DGKG: variants seen among roughly 807,000 people sequenced by gnomAD.
DGKG encodes DAG kinase gamma.
A neutral mutation model predicts 105.3 loss-of-function variants in DGKG; 78 were observed. The ratio of observed to expected loss-of-function variants is 0.74; its 90% CI spans 0.62 to 0.89. DGKG has a LOEUF of 0.89. Ranked by LOEUF, DGKG falls within the 40% of genes least tolerant of loss-of-function variation. The pLI is 0.00. For synonymous variants in DGKG, 346 were observed against 367.1 expected (o/e 0.94, Z 0.66); for missense variants, 958 against 1,020.1 (o/e 0.94, Z 0.83).
intron 21 of DGKG, among the ~76,000 whole-genome samples, chr3:186,205,971 A>AT (rs1718713561): frequency 1.3e-5 from 2 of 152,148 alleles, no homozygotes; most frequent in South Asian, 2.1e-4. Context: ...ATAACCAGAT[A>AT]TTTTTTTTGA....
Position 186,306,033 on chromosome 3 carries a change from G to A in DGKG, c.144+868C>T, listed in dbSNP as rs540986008. Among the ~76,000 whole-genome samples the A allele has an allele frequency of 2.4e-3, 358 of 152,280 alleles. 1 individual carries two copies. Among genetic ancestry groups the A allele is most frequent in the Non-Finnish European group, 4.1e-3 (278 of 68,018 alleles). ...GTAGAATGTAGTGAAGAAAATGGAGGATGACTTGACCAACCGTGTCCAGTG... is the reference window on the plus strand; with the variant it reads ...GTAGAATGTAGTGAAGAAAATGGAGAATGACTTGACCAACCGTGTCCAGTG... On this transcript the variant is annotated intron_variant, in intron 3 of 24. Transcript: ENST00000265022.
rs147349761 is a variant in DGKG at position 186,284,053 on chromosome 3, T to G, written c.594+607A>C. Among the ~76,000 whole-genome samples, 48 of 152,300 alleles carry G rather than the reference T, an allele frequency of 3.2e-4. No individual in the cohort carries two copies. Among genetic ancestry groups the G allele is most frequent in the African/African-American group, 1.2e-3 (48 of 41,586 alleles). On this transcript the variant is annotated intron_variant, in intron 7 of 24. Transcript: ENST00000265022. This position sits in a 1 kb window ranked among gnomAD's most constrained non-coding sequence, Gnocchi z 4.0. ...ACGAGCCTTGATCGATCCTTGCCTG[T>G]TCCTGAAGGGGTGAGGGTGAGTCTC...
intron 2 of DGKG, among the ~76,000 whole-genome samples, chr3:186,309,822 T>G (rs1174055407): frequency 6.6e-6 from 1 of 152,150 alleles, no homozygotes; most frequent in East Asian, 1.9e-4. Context: ...GCTGCTCTAT[T>G]TTAAAAATCC....
Position 186,253,327 on chromosome 3 carries a change from C to T in DGKG, c.1511-145G>A, listed in dbSNP as rs1225763074. On this transcript the variant is annotated intron_variant, in intron 17 of 24. Coordinates refer to ENST00000265022, the MANE Select transcript of DGKG (RefSeq NM_001346.3). Reference sequence around the variant, plus strand: ...ACCCTGATGGGAAACACACTACTTCCTAAAGCCATCTATCCCATCTGCAGC... The same window carrying T: ...ACCCTGATGGGAAACACACTACTTCTTAAAGCCATCTATCCCATCTGCAGC... 3 of 662,440 alleles carry T rather than the reference C, an allele frequency of 4.5e-6. No homozygotes were observed. In the East Asian group the frequency reaches 8.2e-5, roughly 18 times the overall value. The allele number at this position is 662,440 out of a possible 1,614,324, so 41.0% of individuals were successfully genotyped here.
chr3:186,319,697 C>T (rs1406780789), intron 2 of DGKG, among the ~76,000 whole-genome samples: 1 of 151,978 alleles, frequency 6.6e-6, no homozygotes, highest in African/African-American at 2.4e-5. Flanking sequence ...CAGCAGGTTC[C>T]TCTCACCAAT....
At chr3:186,321,587 A>G (rs1725078566) in intron 1 of DGKG, among the ~76,000 whole-genome samples, 1 of 152,240 alleles carries the variant, frequency 6.6e-6, no homozygotes, top group Non-Finnish European at 1.5e-5. Context: ...TACTGTTGCC[A>G]AAGAACAAGC....
At chr3:186,225,158 C>T (rs1266848700) in intron 20 of DGKG, among the ~76,000 whole-genome samples, 3 of 151,066 alleles carry the variant, frequency 2.0e-5, no homozygotes, top group Admixed American at 6.6e-5. Flanking sequence ...GCAAGTGGTA[C>T]GATTATATTA....
chr3:186,288,321 G>A (rs1004067782), intron 6 of DGKG, among the ~76,000 whole-genome samples: 8 of 152,214 alleles, frequency 5.3e-5, no homozygotes, highest in African/African-American at 1.9e-4. Flanking sequence ...CAGAATAGGG[G>A]AAGGAGGACA....
chr3:186,278,113 T>C (rs1722666193), intron 9 of DGKG, among the ~76,000 whole-genome samples: 1 of 152,146 alleles, frequency 6.6e-6, no homozygotes. Flanking sequence ...AGGAAGTAGA[T>C]GGGCTCTCCT....
intron 1 of DGKG, among the ~76,000 whole-genome samples, chr3:186,329,651 T>A (rs1268786547): frequency 1.3e-5 from 2 of 152,246 alleles, no homozygotes; most frequent in Non-Finnish European, 2.9e-5. Context: ...AACCTCTTTC[T>A]CTTCTCAGAC....
At chr3:186,345,670 T>C (rs1243130412) in intron 1 of DGKG, among the ~76,000 whole-genome samples, 1 of 152,250 alleles carries the variant, frequency 6.6e-6, no homozygotes, top group Non-Finnish European at 1.5e-5. Flanking sequence ...TTTCAGGCTT[T>C]GAAAATTATT....
chr3:186,252,189 G>A (rs999354312), intron 18 of DGKG, among the ~76,000 whole-genome samples: 8 of 152,226 alleles, frequency 5.3e-5, no homozygotes, highest in African/African-American at 1.2e-4. Flanking sequence ...CTGGAGAAGC[G>A]GTGGGCTGGA....
At chr3:186,253,242 T>G in intron 17 of DGKG, 60 bp from the exon 18 acceptor site, 1 of 1,376,284 alleles carries the variant, frequency 7.3e-7, no homozygotes, top group Non-Finnish European at 1.0e-6. Context: ...ATGTTTGAGT[T>G]GTCTTTTTAT....
intron 16 of DGKG, among the ~76,000 whole-genome samples, chr3:186,259,396 A>C (rs896228390): frequency 1.3e-5 from 2 of 152,218 alleles, no homozygotes; most frequent in African/African-American, 4.8e-5. Flanking sequence ...TGGCAACTGC[A>C]GTGGTGTACA....
rs34286105 is a variant in DGKG at position 186,312,122 on chromosome 3, C to CAAAA, written c.68-5149_68-5146dup. On this transcript the variant is annotated intron_variant, in intron 2 of 24. Coordinates refer to ENST00000265022, the MANE Select transcript of DGKG (RefSeq NM_001346.3). ...TGGGCGACAGAGCGAGACTCCGTCT[C>CAAAA]AAAAAAAAAAAAAAAAAAAAAAAAA... Among the ~76,000 whole-genome samples the CAAAA allele has an allele frequency of 1.0e-3, 18 of 17,470 alleles. 4 individuals carry two copies. Among genetic ancestry groups the CAAAA allele is most frequent in the African/African-American group, 4.1e-3 (7 of 1,706 alleles). The allele number at this position is 17,470 out of a possible 152,430, so 11.5% of individuals were successfully genotyped here.
At chr3:186,266,042 T>C (rs1722041070) in intron 13 of DGKG, among the ~76,000 whole-genome samples, 1 of 152,188 alleles carries the variant, frequency 6.6e-6, no homozygotes, top group African/African-American at 2.4e-5. Flanking sequence ...TGTTTGTTTT[T>C]CTAATGTTTA....
At position 186,149,875 on chromosome 3, in the gene DGKG, G is replaced by A. The variant is rs1402395120; in HGVS notation, c.*215C>T. The A allele has an allele frequency of 2.1e-5, 28 of 1,318,878 alleles. No homozygotes were observed. The highest frequency in any genetic ancestry group is 2.7e-5 in the Non-Finnish European group (28 of 1,035,460). The allele number at this position is 1,318,878 out of a possible 1,614,324, so 81.7% of individuals were successfully genotyped here. On this transcript the variant is annotated 3_prime_UTR_variant, in exon 25 of 25. Transcript: ENST00000265022. ...CTAAGTCCATTCAAAATGTTTTGTT[G>A]GCACTGGCTCTGTTAGGGGTGTACC... is the stretch of plus-strand genomic sequence containing the variant.
chr3:186,186,054 G>A lies in DGKG; in HGVS notation c.2095+2148C>T, dbSNP rs550689403. 9.1e-5 allele frequency among the ~76,000 whole-genome samples: 12 copies of A among 131,346 alleles called. No homozygotes were observed. In the South Asian group the frequency reaches 2.6e-3, roughly 28 times the overall value. The allele number at this position is 131,346 out of a possible 152,430, so 86.2% of individuals were successfully genotyped here. On this transcript the variant is annotated intron_variant, in intron 22 of 24. Coordinates refer to ENST00000265022, the MANE Select transcript of DGKG (RefSeq NM_001346.3). ...AGGAGGTTGCAGTGAGCCAACATGT[G>A]CCACTGCACTCTAGCCTGGGTGACA...
chr3:186,178,342 C>T lies in DGKG; in HGVS notation c.2095+9860G>A, dbSNP rs759182931. On this transcript the variant is annotated intron_variant, in intron 22 of 24. Coordinates refer to ENST00000265022, the MANE Select transcript of DGKG (RefSeq NM_001346.3). Reference sequence around the variant, plus strand: ...CTGTGGGATGGAGCTTAGGTGGTGCCCAATATGAAATGGTCTATGAATTCT... The same window carrying T: ...CTGTGGGATGGAGCTTAGGTGGTGCTCAATATGAAATGGTCTATGAATTCT... Among the ~76,000 whole-genome samples, 166 of 151,984 alleles carry T rather than the reference C, an allele frequency of 1.1e-3. 1 individual carries two copies. The highest frequency in any genetic ancestry group is 1.8e-3 in the Non-Finnish European group (120 of 68,012).
Sources: allele counts gnomAD v4.1 joint callset (sites outside exome capture counted in the v4.1 genomes callset), GRCh38; gene constraint gnomAD v4.1.1; non-coding constraint Gnocchi (gnomAD v3.1); transcripts MANE v1.5; gene names NCBI Gene and HGNC (gene_info 2026-07-23, HGNC 2026-07-21).